The following AHNAK variants were observed in gnomAD, a reference collection of about 807,000 sequenced individuals.
AHNAK encodes the protein AHNAK nucleoprotein.
In AHNAK, 23 loss-of-function variants were observed where a neutral mutation model predicts 37.8. The observed-to-expected ratio is 0.61, with a 90% CI of 0.44 to 0.86. The LOEUF (loss-of-function observed/expected upper bound fraction) is 0.86. Among genes scored for constraint, AHNAK ranks in the 40% least tolerant of loss-of-function variants. The pLI, the probability that AHNAK is intolerant of heterozygous loss-of-function variation, is 0.00. For synonymous variants in AHNAK, 2,481 were observed against 2,636.3 expected, an observed-to-expected ratio of 0.94 and a Z score of 1.80; for missense variants, 7,411 against 7,319.4, an observed-to-expected ratio of 1.01 and a Z score of -0.46.
At chr11:62,473,842 TAAAC>T (rs1939089791) in intron 5 of AHNAK, among the ~76,000 whole-genome samples, 1 of 151,362 alleles carries the variant, frequency 6.6e-6, no homozygotes, top group Non-Finnish European at 1.5e-5. Context: ...ACAAAAAAAA[TAAAC>T]AAAATTAGCT....
intron 5 of AHNAK, among the ~76,000 whole-genome samples, chr11:62,449,664 T>G (rs567077279): frequency 1.3e-5 from 2 of 152,278 alleles, no homozygotes; most frequent in South Asian, 4.1e-4. Flanking sequence ...ACCCAACACC[T>G]GGCATGCCAG....
intron 5 of AHNAK, among the ~76,000 whole-genome samples, chr11:62,478,958 C>G (rs1212302591): frequency 6.6e-6 from 1 of 151,950 alleles, no homozygotes; most frequent in African/African-American, 2.4e-5. Flanking sequence ...TCACTACAAC[C>G]TCCGCCTCCT....
chr11:62,470,361 G>A (rs1225896574), intron 5 of AHNAK, among the ~76,000 whole-genome samples: 11 of 152,016 alleles, frequency 7.2e-5, no homozygotes, highest in African/African-American at 2.7e-4. Flanking sequence ...CAAGAGAATC[G>A]CTTGAACCCG....
At position 62,534,068 on chromosome 11, in the gene AHNAK, C is replaced by G. The variant is rs372335096; in HGVS notation, c.349G>C (p.Asp117His). Residue 117 changes from aspartate to histidine, a missense_variant, in exon 5 of 5, where the codon GAT becomes CAT. Asp to His is a moderately conservative substitution (Grantham distance 81). Transcript: ENST00000378024. ...TAGATGCGCTGGTACTCCTCATCAT[C>G]CCCGCTCTGCAGAAAGACACGCCGG... ...SCSSEVVLSG[D>H]DEEYQRIYTT... The G allele has an allele frequency of 7.2e-6, 11 of 1,532,426 alleles. No homozygotes were observed. Among genetic ancestry groups the G allele is most frequent in the Non-Finnish European group, 9.7e-6 (11 of 1,139,766 alleles). The allele number at this position is 1,532,426 out of a possible 1,614,324, so 94.9% of individuals were successfully genotyped here. A position where few individuals can be genotyped will look rare whatever the true frequency, so the allele number is the denominator to read the frequency against.
chr11:62,527,116 C>T lies in AHNAK; in HGVS notation c.7301G>A (p.Gly2434Asp), dbSNP rs114407546. The T allele has an allele frequency of 1.8e-4, 293 of 1,614,066 alleles. 1 individual carries two copies. The African/African-American group carries it at 3.4e-3, about 19-fold the overall frequency. ...GPDIDIEGPE[G>D]KLKGPKFKMP... ...CTTGAACTTAGGGCCTTTCAATTTGCCCTCTGGTCCCTCAATGTCAATGTC... is the reference window on the plus strand; with the variant it reads ...CTTGAACTTAGGGCCTTTCAATTTGTCCTCTGGTCCCTCAATGTCAATGTC... Residue 2434 changes from glycine to aspartate, a missense_variant, in exon 5 of 5, where the codon GGC becomes GAC. Coordinates refer to ENST00000378024, the MANE Select transcript of AHNAK (RefSeq NM_001620.3).
In AHNAK at chr11:62,520,810, T is replaced by A. The variant is rs576554002; in HGVS notation, c.13607A>T (p.Asp4536Val). 9 of 1,614,032 alleles carry A rather than the reference T, an allele frequency of 5.6e-6. No individual in the cohort carries two copies. The South Asian group carries it at 9.9e-5, about 18-fold the overall frequency. ...LNLKGPKIKG[D>V]MDISVPKLEG... ...CAGTTTAGGAACGGAAATGTCCATATCTCCTTTTATCTTAGGTCCTTTCAA... is the reference window on the plus strand; with the variant it reads ...CAGTTTAGGAACGGAAATGTCCATAACTCCTTTTATCTTAGGTCCTTTCAA... Residue 4536 changes from aspartate (D) to valine (V), a missense_variant, in exon 5 of 5, where the codon GAT becomes GTT. Coordinates refer to ENST00000378024, the MANE Select transcript of AHNAK (RefSeq NM_001620.3).
intron 1 of AHNAK, among the ~76,000 whole-genome samples, chr11:62,540,021 C>A (rs1941075145): frequency 6.6e-6 from 1 of 152,234 alleles, no homozygotes; most frequent in African/African-American, 2.4e-5. Flanking sequence ...CTGTATCAAG[C>A]CCAAGTGGTC....
chr11:62,464,788 G>A (rs1938870003), intron 5 of AHNAK, among the ~76,000 whole-genome samples: 1 of 152,122 alleles, frequency 6.6e-6, no homozygotes, highest in Non-Finnish European at 1.5e-5. Flanking sequence ...CTGTGATGGT[G>A]CCACTGCACT....
intron 5 of AHNAK, among the ~76,000 whole-genome samples, chr11:62,443,764 T>C (rs994838659): frequency 2.3e-4 from 35 of 152,336 alleles, no homozygotes; most frequent in African/African-American, 7.5e-4. Context: ...GTTAGGTTCA[T>C]TCTGCTTCTG....
At chr11:62,505,657 T>C (rs1939796620) in intron 4 of AHNAK, among the ~76,000 whole-genome samples, 1 of 151,736 alleles carries the variant, frequency 6.6e-6, no homozygotes, top group South Asian at 2.1e-4. Context: ...TCCACGCCCT[T>C]CAACGCTCCC....
rs1565194563 is a variant in AHNAK at position 62,439,664 on chromosome 11, G to GTTTTTTT, written c.443-5774_443-5773insAAAAAAA. ...TTTGGTTTGTTTTGGATTTTTGTGT[G>GTTTTTTT]ATTTTTTTTTTTTTTTTTTTTGAGA... On this transcript the variant is annotated intron_variant, in intron 5 of 5. Coordinates refer to the AHNAK transcript ENST00000257247. Among the ~76,000 whole-genome samples, 8 of 126,418 alleles carry GTTTTTTT rather than the reference G, an allele frequency of 6.3e-5. 1 individual carries two copies. The highest frequency in any genetic ancestry group is 3.3e-5 in the Non-Finnish European group (2 of 60,326). 82.9% of individuals were successfully genotyped at this position (126,418 alleles called of 152,430 possible).
At position 62,530,479 on chromosome 11, in the gene AHNAK, ATCT is replaced by A; in HGVS notation, c.3935_3937del (p.Lys1312del). Reference sequence around the variant, plus strand: ...GGGGGCCTTGAAGTGCATCTCAGGCATCTTAAACTTGGGGCCCTTCAGCTTTCC... The same window carrying A: ...GGGGGCCTTGAAGTGCATCTCAGGCATAAACTTGGGGCCCTTCAGCTTTCC... On this transcript the variant is annotated inframe_deletion, in exon 5 of 5. Coordinates refer to ENST00000378024, the MANE Select transcript of AHNAK (RefSeq NM_001620.3). 1 of 1,613,466 alleles carries A rather than the reference ATCT, an allele frequency of 6.2e-7. No individual in the cohort carries two copies. The highest frequency in any genetic ancestry group is 2.2e-5 in the East Asian group (1 of 44,806).
In AHNAK at chr11:62,531,673, A is replaced by G. The variant is rs1449424249; in HGVS notation, c.2744T>C (p.Val915Ala). 1 of 1,614,042 alleles carries G rather than the reference A, an allele frequency of 6.2e-7. No individual in the cohort carries two copies. The highest frequency in any genetic ancestry group is 1.1e-5 in the South Asian group (1 of 91,076). Reference sequence around the variant, plus strand: ...TTCAATATTCACATCTGGAACTTCAACACCCACCTTGGGTCCTGAGATGTC... The same window carrying G: ...TTCAATATTCACATCTGGAACTTCAGCACCCACCTTGGGTCCTGAGATGTC... Reference protein sequence around the residue: ...DVDISGPKVGVEVPDVNIEGP... With the variant: ...DVDISGPKVGAEVPDVNIEGP... Residue 915 changes from valine (V) to alanine (A), a missense_variant, in exon 5 of 5, where the codon GTT becomes GCT. Transcript: ENST00000378024.
Position 62,531,598 on chromosome 11 carries a change from T to C in AHNAK, c.2819A>G (p.Asn940Ser). The C allele has an allele frequency of 6.2e-7, 1 of 1,613,718 alleles. No individual in the cohort carries two copies. Among genetic ancestry groups the C allele is most frequent in the Non-Finnish European group, 8.5e-7 (1 of 1,179,906 alleles). ...KGPKFKMPEM[N>S]IKAPKISMPD... ...CATGGAGATCTTGGGGGCCTTGATA[T>C]TCATCTCTGGCATCTTGAACTTGGG... Residue 940 changes from asparagine (N) to serine (S), a missense_variant, in exon 5 of 5, where the codon AAT becomes AGT. Coordinates refer to ENST00000378024, the MANE Select transcript of AHNAK (RefSeq NM_001620.3).
At chr11:62,494,737 G>A (rs1302982580) in intron 4 of AHNAK, among the ~76,000 whole-genome samples, 3 of 152,002 alleles carry the variant, frequency 2.0e-5, no homozygotes, top group South Asian at 2.1e-4. Flanking sequence ...ACCGCCGGGC[G>A]CAGTGGCTCA....
chr11:62,521,635 T>A lies in AHNAK; in HGVS notation c.12782A>T (p.Asp4261Val). Residue 4261 changes from aspartate to valine, a missense_variant, in exon 5 of 5, where the codon GAC (aspartate) becomes GTC (valine). By Grantham distance (152) the Asp-to-Val change is radical. Transcript: ENST00000378024. Reference sequence around the variant, plus strand: ...GGGACCTTTCAGATGCAAATCAAAGTCAGGCATGGAGATCTTGGGGGCTTT... The same window carrying A: ...GGGACCTTTCAGATGCAAATCAAAGACAGGCATGGAGATCTTGGGGGCTTT... ...NIKAPKISMPDFDLHLKGPKV... is the reference protein window; with the variant it reads ...NIKAPKISMPVFDLHLKGPKV... The A allele has an allele frequency of 1.9e-6, 3 of 1,613,554 alleles. No individual in the cohort carries two copies. Among genetic ancestry groups the A allele is most frequent in the Non-Finnish European group, 2.5e-6 (3 of 1,179,940 alleles).
rs998622482 is a variant in AHNAK, at chr11:62,526,885, G to A, written c.7532C>T (p.Pro2511Leu). ...GCTGAACTTGGGCATTTTCATCTTG[G>A]GCATCTTCAGGTGCCAGTCTGGAGC... Reference protein sequence around the residue: ...VQAPDWHLKMPKMKMPKFSMP... With the variant: ...VQAPDWHLKMLKMKMPKFSMP... Residue 2511 changes from proline (P) to leucine (L), a missense_variant, in exon 5 of 5, where the codon CCC (proline) becomes CTC (leucine). Transcript: ENST00000378024. 6 of 1,613,982 alleles carry A rather than the reference G, an allele frequency of 3.7e-6. No homozygotes were observed. The Admixed American group carries it at 5.0e-5, about 13-fold the overall frequency.
Position 62,519,572 on chromosome 11 carries a change from C to T in AHNAK, c.14845G>A (p.Val4949Ile). 6.2e-7 allele frequency: 1 copy of T among 1,611,586 alleles called. No homozygotes were observed. Among genetic ancestry groups the T allele is most frequent in the Non-Finnish European group, 8.5e-7 (1 of 1,178,868 alleles). The change falls in exon 5 of 5, where the codon GTT becomes ATT. Residue 4949 changes from valine (V) to isoleucine (I), a missense_variant. Physicochemically the swap from Val to Ile is conservative, Grantham distance 29. Coordinates refer to ENST00000378024, the MANE Select transcript of AHNAK (RefSeq NM_001620.3). ...GGEVDLKGPK[V>I]EAPSLDVHMD... ...TGTACATCTAAGCTTGGAGCTTCAA[C>T]TTTGGGTCCCTTGAGGTCCACTTCA...
Position 62,525,921 on chromosome 11 carries a change from A to T in AHNAK, c.8496T>A (p.Thr2832=), listed in dbSNP as rs376504406. The change falls in exon 5 of 5, where the codon ACT becomes ACA. Residue 2832 remains threonine (T), a synonymous_variant. Transcript: ENST00000378024. ...CAATATCTGGCATGGATATCTTTGGAGTCTTAAAATGCATCTCTGGCATCT... is the reference window on the plus strand; with the variant it reads ...CAATATCTGGCATGGATATCTTTGGTGTCTTAAAATGCATCTCTGGCATCT... ...KFKMPEMHFK[T]PKISMPDIDL... is the part of the protein sequence containing the mutation. 2.3e-4 allele frequency: 367 copies of T among 1,613,970 alleles called. 5 individuals carry two copies. In the South Asian group the frequency reaches 3.7e-3, roughly 16 times the overall value.
Sources: gnomAD v4.1 joint callset for allele counts (sites outside exome capture counted in the v4.1 genomes callset) on GRCh38, gnomAD v4.1.1 for gene constraint, MANE v1.5 for transcripts, NCBI Gene and HGNC (gene_info 2026-07-23, HGNC 2026-07-21) for gene names.